ARNT: variants seen among roughly 807,000 people sequenced by gnomAD.
ARNT encodes class E basic helix-loop-helix protein 2.
A neutral mutation model predicts 105.0 loss-of-function variants in ARNT; 30 were observed. That is an observed-to-expected ratio of 0.29 (90% confidence interval 0.21 to 0.39). ARNT has a LOEUF of 0.39. Among genes scored for constraint, ARNT ranks in the 10% least tolerant of loss-of-function variants. The probability of loss-of-function intolerance (pLI) is 1.00; values close to 1 mark genes in which losing one functional copy is unlikely to be tolerated. For synonymous variants in ARNT, 304 were observed against 344.0 expected (o/e 0.88, Z 1.29); for missense variants, 748 against 978.7 (o/e 0.76, Z 3.15).
At chr1:150,840,932 T>C (rs1425810024) in intron 5 of ARNT, among the ~76,000 whole-genome samples, 1 of 151,026 alleles carries the variant, frequency 6.6e-6, no homozygotes, top group East Asian at 1.9e-4. Context: ...ATATTTGCCT[T>C]ATCTCTCTTC....
At chr1:150,821,822 T>C (rs12569165) in intron 14 of ARNT, among the ~76,000 whole-genome samples, 1 of 134,608 alleles carries the variant, frequency 7.4e-6, no homozygotes, top group African/African-American at 2.8e-5. Flanking sequence ...CTAATTTTTG[T>C]ATTTTCTTTT....
intron 3 of ARNT, among the ~76,000 whole-genome samples, chr1:150,850,453 C>T (rs945443575): frequency 2.0e-5 from 3 of 152,320 alleles, no homozygotes; most frequent in African/African-American, 2.4e-5. Flanking sequence ...GACTGGTTTT[C>T]GTATTTTTTT....
chr1:150,820,972 C>T (rs1437157232), intron 14 of ARNT, among the ~76,000 whole-genome samples: 1 of 152,236 alleles, frequency 6.6e-6, no homozygotes, highest in Non-Finnish European at 1.5e-5. Context: ...TAATAGCCTA[C>T]TGTTGGCCAG....
intron 5 of ARNT, among the ~76,000 whole-genome samples, chr1:150,841,372 G>C (rs1029350235): frequency 1.3e-5 from 2 of 151,068 alleles, no homozygotes; most frequent in African/African-American, 4.9e-5. Flanking sequence ...TTTTTTCTGA[G>C]AAGAGCAAAG....
In ARNT at chr1:150,834,532, A is replaced by C; in HGVS notation, c.803+6T>G. 1 of 1,613,068 alleles carries C rather than the reference A, an allele frequency of 6.2e-7. No homozygotes were observed. Among genetic ancestry groups the C allele is most frequent in the Non-Finnish European group, 8.5e-7 (1 of 1,179,208 alleles). ...ACCAAATCACAATCCTCAGCTTGAC[A>C]CTCACCTCATTCGGCAAATAAACGA... On this transcript the variant is annotated splice_donor_region_variant and intron_variant, in intron 8 of 21. Coordinates refer to ENST00000358595, the MANE Select transcript of ARNT (RefSeq NM_001668.4).
At chr1:150,826,706 G>T in intron 12 of ARNT, 89 bp from the exon 13 acceptor site, 1 of 957,248 alleles carries the variant, frequency 1.0e-6, no homozygotes, top group Non-Finnish European at 1.6e-6. Context: ...GTACGATGGC[G>T]CGATCTTGGC....
chr1:150,820,290 C>A (rs1020285950), intron 14 of ARNT, among the ~76,000 whole-genome samples: 1 of 152,196 alleles, frequency 6.6e-6, no homozygotes, highest in Non-Finnish European at 1.5e-5. Context: ...AAACATAGTC[C>A]TTTCCAGAAA....
At chr1:150,823,423 TA>T in intron 13 of ARNT, 78 bp from the exon 14 acceptor site, 3 of 1,419,082 alleles carry the variant, frequency 2.1e-6, no homozygotes, top group Non-Finnish European at 2.9e-6. Flanking sequence ...TTCCAATTTC[TA>T]TAACCCTAAA....
intron 4 of ARNT, 148 bp downstream of exon 4, chr1:150,846,115 T>A: frequency 1.6e-6 from 1 of 618,176 alleles, no homozygotes; most frequent in South Asian, 2.6e-5. Context: ...GTTATAATAC[T>A]AAGTTTCACA....
chr1:150,826,654 T>C, intron 12 of ARNT, 37 bp from the exon 13 acceptor site: 6 of 1,510,632 alleles, frequency 4.0e-6, no homozygotes, highest in Non-Finnish European at 5.4e-6. Context: ...ATATACTTTT[T>C]TTTTTTTAAG....
chr1:150,871,531 C>A (rs1197802883), intron 1 of ARNT, among the ~76,000 whole-genome samples: 2 of 148,434 alleles, frequency 1.3e-5, no homozygotes, highest in Non-Finnish European at 1.5e-5. Flanking sequence ...GAACTCCTGA[C>A]CTCAGGTGAT....
At chr1:150,854,078 C>G (rs1664105809) in intron 2 of ARNT, among the ~76,000 whole-genome samples, 1 of 152,164 alleles carries the variant, frequency 6.6e-6, no homozygotes. Flanking sequence ...TTCTTTCTCT[C>G]TATCTCTTCC....
chr1:150,832,311 G>A (rs1013771474), intron 9 of ARNT, 23 bp downstream of exon 9: 1 of 1,613,880 alleles, frequency 6.2e-7, no homozygotes, highest in South Asian at 1.1e-5. Flanking sequence ...CATCCCTTTG[G>A]TTTTCACCAC....
intron 3 of ARNT, among the ~76,000 whole-genome samples, chr1:150,851,803 C>T (rs1663626333): frequency 6.6e-6 from 1 of 152,076 alleles, no homozygotes; most frequent in Non-Finnish European, 1.5e-5. Context: ...CCACTATTGT[C>T]CTATGACCCT....
chr1:150,816,672 A>G, intron 18 of ARNT, 116 bp downstream of exon 18: 2 of 1,270,582 alleles, frequency 1.6e-6, no homozygotes, highest in African/African-American at 1.5e-5. Context: ...GCTAGGCCCT[A>G]CAAGCTTCAC....
At chr1:150,822,763 A>C (rs1259055635) in intron 14 of ARNT, among the ~76,000 whole-genome samples, 1 of 152,172 alleles carries the variant, frequency 6.6e-6, no homozygotes, top group Non-Finnish European at 1.5e-5. Context: ...CAGGTAAAAC[A>C]ACCTGGGGCT....
intron 12 of ARNT, 85 bp from the exon 13 acceptor site, chr1:150,826,702 T>A (rs927650452): frequency 1.7e-5 from 18 of 1,035,990 alleles, no homozygotes; most frequent in Non-Finnish European, 2.6e-5. Flanking sequence ...TGGAGTACGA[T>A]GGCGCGATCT....
chr1:150,816,441 G>C (rs753179846), intron 18 of ARNT, 35 bp from the exon 19 acceptor site: 1 of 1,590,460 alleles, frequency 6.3e-7, no homozygotes, highest in Non-Finnish European at 8.5e-7. Flanking sequence ...AGATTAAAAG[G>C]ATAGATTTAT....
At chr1:150,857,646 C>A (rs1232892971) in intron 2 of ARNT, among the ~76,000 whole-genome samples, 1 of 152,128 alleles carries the variant, frequency 6.6e-6, no homozygotes, top group African/African-American at 2.4e-5. Context: ...AGTGCCCATT[C>A]TTCCAGGCCC....
Sources: allele counts gnomAD v4.1 joint callset (sites outside exome capture counted in the v4.1 genomes callset), GRCh38; gene constraint gnomAD v4.1.1; transcripts MANE v1.5; gene names NCBI Gene and HGNC (gene_info 2026-07-23, HGNC 2026-07-21).